Variants in SNED1 observed in about 807,000 individuals in gnomAD.
SNED1 encodes the protein sushi, nidogen and EGF like domains 1, also known as sushi, nidogen and EGF-like domain-containing protein 1.
In SNED1, 81 loss-of-function variants were observed where a neutral mutation model predicts 166.7. The observed-to-expected ratio is 0.49, with a 90% confidence interval of 0.41 to 0.58. SNED1 has a LOEUF of 0.58. SNED1 is among the 20% of genes least tolerant of loss of function. The pLI is 0.00. For synonymous variants in SNED1, 762 were observed against 822.0 expected (o/e 0.93, Z 1.25); for missense variants, 1,604 against 2,000.2 (o/e 0.80, Z 3.78).
chr2:241,012,825 C>CTTT (rs59199140), intron 1 of SNED1, among the ~76,000 whole-genome samples: 18 of 134,852 alleles, frequency 1.3e-4, no homozygotes, highest in Non-Finnish European at 2.1e-4. Flanking sequence ...TTTTTTTTTT[C>CTTT]TTTTTTTTTT....
intron 1 of SNED1, among the ~76,000 whole-genome samples, chr2:241,003,114 C>T (rs1191795222): frequency 6.9e-6 from 1 of 144,916 alleles, no homozygotes; most frequent in Non-Finnish European, 1.5e-5. Flanking sequence ...CTGCCCCCCT[C>T]CGCCCTCCCC....
At chr2:241,046,124 C>G (rs1345613711) in intron 8 of SNED1, among the ~76,000 whole-genome samples, 3 of 152,166 alleles carry the variant, frequency 2.0e-5, no homozygotes, top group African/African-American at 7.2e-5. Flanking sequence ...GGAATCACAA[C>G]AAACTCATTA....
rs536588252 is a variant in SNED1 at position 241,068,773 on chromosome 2, G to A, written c.3195-138G>A. 3.8e-5 allele frequency: 24 copies of A among 629,934 alleles called. 1 individual carries two copies. Among genetic ancestry groups the A allele is most frequent in the South Asian group, 3.5e-4 (18 of 51,118 alleles). 39.0% of individuals were successfully genotyped at this position (629,934 alleles called of 1,614,324 possible). A position where few individuals can be genotyped will look rare whatever the true frequency, so the allele number is the denominator to read the frequency against. On this transcript the variant is annotated intron_variant, in intron 22 of 31. Transcript: ENST00000310397. The surrounding 1 kb of genome is among the most constrained non-coding windows in gnomAD (Gnocchi z 5.3). ...TCTGAGGGCCATGAGTCTGCCCCTCGTGGAGGTTGCCTGGGCCACCAGCAG... is the reference window on the plus strand; with the variant it reads ...TCTGAGGGCCATGAGTCTGCCCCTCATGGAGGTTGCCTGGGCCACCAGCAG...
At position 241,033,892 on chromosome 2, in the gene SNED1, G is replaced by T; in HGVS notation, c.642+17G>T. ...GCAGCCCAGGTAGGCGAGTGCAGTC[G>T]GTGCTCTGTGTTCAGAACCCCTGCT... On this transcript the variant is annotated intron_variant, in intron 3 of 31. Transcript: ENST00000310397. The T allele has an allele frequency of 6.3e-7, 1 of 1,581,948 alleles. No individual in the cohort carries two copies. The highest frequency in any genetic ancestry group is 8.6e-7 in the Non-Finnish European group (1 of 1,164,830).
intron 1 of SNED1, 150 bp from the exon 2 acceptor site, chr2:241,030,134 C>T (rs1359690056): frequency 2.6e-5 from 18 of 688,738 alleles, no homozygotes; most frequent in Admixed American, 8.8e-5. Flanking sequence ...ATCTCAGGGA[C>T]GGGGGGCTGT....
intron 1 of SNED1, among the ~76,000 whole-genome samples, chr2:241,014,602 CAG>C (rs566401209): frequency 2.0e-5 from 3 of 152,312 alleles, no homozygotes; most frequent in South Asian, 4.1e-4. Context: ...CTCTTTTCTA[CAG>C]AGTTATCTTC....
At chr2:241,081,868 C>A in intron 28 of SNED1, 75 bp downstream of exon 28, 1 of 1,162,358 alleles carries the variant, frequency 8.6e-7, no homozygotes, top group Non-Finnish European at 1.3e-6. Context: ...TGGGCCACAG[C>A]TGGGTTTGCC....
chr2:241,078,260 G>T (rs2063135144), intron 27 of SNED1, among the ~76,000 whole-genome samples: 1 of 151,570 alleles, frequency 6.6e-6, no homozygotes, highest in Non-Finnish European at 1.5e-5. Flanking sequence ...GCGGGCGCCT[G>T]TAGTCCCAGC....
At chr2:241,060,053 G>A (rs2062182118) in intron 16 of SNED1, among the ~76,000 whole-genome samples, 1 of 152,174 alleles carries the variant, frequency 6.6e-6, no homozygotes, top group Admixed American at 6.5e-5. Context: ...AGGATACAGG[G>A]TCAGTATATA....
chr2:241,071,963 T>G, intron 26 of SNED1, 85 bp downstream of exon 26: 2 of 1,125,564 alleles, frequency 1.8e-6, no homozygotes, highest in Non-Finnish European at 2.6e-6. Flanking sequence ...CCCTACATGA[T>G]GAGCCCACCC....
At chr2:241,057,661 G>A (rs898963498) in intron 16 of SNED1, among the ~76,000 whole-genome samples, 8 of 151,888 alleles carry the variant, frequency 5.3e-5, no homozygotes, top group Non-Finnish European at 1.0e-4. Context: ...TCCAGCCTGG[G>A]TGACAGCAAG....
chr2:241,060,105 C>T (rs570170252), intron 16 of SNED1, among the ~76,000 whole-genome samples: 2 of 151,686 alleles, frequency 1.3e-5, no homozygotes, highest in Admixed American at 1.3e-4. Flanking sequence ...GAAAGTGTTA[C>T]ATTAATAGCA....
At chr2:241,015,172 G>A (rs1184475140) in intron 1 of SNED1, among the ~76,000 whole-genome samples, 5 of 152,200 alleles carry the variant, frequency 3.3e-5, no homozygotes, top group Non-Finnish European at 7.3e-5. Context: ...TATTTATTGG[G>A]ATTGCATTGA....
intron 26 of SNED1, chr2:241,072,313 G>C (rs368313016): frequency 2.3e-5 from 10 of 428,600 alleles, no homozygotes; most frequent in African/African-American, 4.0e-5. Context: ...AGATCTTCCC[G>C]GTGGCAGCAA....
chr2:241,061,275 TATTTC>T (rs2062221065), intron 16 of SNED1, among the ~76,000 whole-genome samples: 1 of 152,232 alleles, frequency 6.6e-6, no homozygotes, highest in Non-Finnish European at 1.5e-5. Context: ...AGAAATATTC[TATTTC>T]ATTAGTAATC....
chr2:241,089,102 AC>A, intron 31 of SNED1: 1 of 514,298 alleles, frequency 1.9e-6, no homozygotes, highest in East Asian at 3.5e-5. Context: ...ATCTTAAACA[AC>A]ACTGGCATTC....
At position 240,999,885 on chromosome 2, in the gene SNED1, A is replaced by G. The variant is rs2060026026; in HGVS notation, c.213+835A>G. 2.0e-5 allele frequency among the ~76,000 whole-genome samples: 3 copies of G among 152,078 alleles called. No individual in the cohort carries two copies. The highest frequency in any genetic ancestry group is 7.2e-5 in the African/African-American group (3 of 41,398). Reference sequence around the variant, plus strand: ...GCACTGGTACCTGGTGGTTCCCTGAAACACCCCAGATCATATCTAGAAAAC... The same window carrying G: ...GCACTGGTACCTGGTGGTTCCCTGAGACACCCCAGATCATATCTAGAAAAC... On this transcript the variant is annotated intron_variant, in intron 1 of 31. Transcript: ENST00000310397. This position sits in a 1 kb window ranked among gnomAD's most constrained non-coding sequence, Gnocchi z 5.8.
rs769686187 is a variant in SNED1, at chr2:241,073,900, G to A, written c.3916+536G>A. 14 of 165,670 alleles carry A rather than the reference G, an allele frequency of 8.5e-5. No individual in the cohort carries two copies. Among genetic ancestry groups the A allele is most frequent in the Non-Finnish European group, 1.6e-4 (12 of 77,180 alleles). 10.3% of individuals were successfully genotyped at this position (165,670 alleles called of 1,614,324 possible). On this transcript the variant is annotated intron_variant, in intron 27 of 31. Coordinates refer to ENST00000310397, the MANE Select transcript of SNED1 (RefSeq NM_001080437.3). The surrounding 1 kb of genome is among the most constrained non-coding windows in gnomAD (Gnocchi z 6.6). ...CCAGCACGTCCCTGCAGGGCACCAA[G>A]CATCTGCTGAGCACCTGCAGTAAGA...
At chr2:241,036,355 C>T (rs1042587821) in intron 4 of SNED1, among the ~76,000 whole-genome samples, 2 of 151,958 alleles carry the variant, frequency 1.3e-5, no homozygotes, top group Non-Finnish European at 2.9e-5. Flanking sequence ...ACACAGCCCT[C>T]CTGCAGCCCC....
Sources: allele counts gnomAD v4.1 joint callset (sites outside exome capture counted in the v4.1 genomes callset), GRCh38; gene constraint gnomAD v4.1.1; non-coding constraint Gnocchi (gnomAD v3.1); transcripts MANE v1.5; gene names NCBI Gene and HGNC (gene_info 2026-07-23, HGNC 2026-07-21).